Variants in NTN3 observed in about 807,000 individuals in gnomAD.
NTN3 encodes the protein netrin 3.
In NTN3, 44 loss-of-function variants were observed where a neutral mutation model predicts 37.2. That is an observed-to-expected ratio of 1.18 (90% CI 0.93 to 1.52). The LOEUF (loss-of-function observed/expected upper bound fraction) is 1.52, where lower values mean the gene tolerates loss of function less well. NTN3 is among the 40% of genes most tolerant of loss of function. The pLI is 0.00. For synonymous variants in NTN3, 385 were observed against 376.0 expected, an observed-to-expected ratio of 1.02 and a Z score of -0.28; for missense variants, 882 against 857.3, an observed-to-expected ratio of 1.03 and a Z score of -0.36.
In NTN3 at chr16:2,473,297, A is replaced by G. The variant is rs771956685; in HGVS notation, c.1297A>G (p.Ser433Gly). ...CCCTATCCCTGGACCCACTGAGGAC[A>G]GCAGCCCTGTGCAGCCCCAGGGTGA... ...KTPIPGPTED[S>G]SPVQPQDCDS... Residue 433 changes from serine (S) to glycine (G), a missense_variant, in exon 4 of 6, where the codon AGC becomes GGC. Coordinates refer to ENST00000293973, the MANE Select transcript of NTN3 (RefSeq NM_006181.3). The G allele has an allele frequency of 6.2e-7, 1 of 1,612,976 alleles. No individual in the cohort carries two copies. Among genetic ancestry groups the G allele is most frequent in the Admixed American group, 1.7e-5 (1 of 60,030 alleles).
rs960119642 is a variant in NTN3, at chr16:2,473,921, T to A, written c.1559T>A (p.Leu520His). Reference protein sequence around the residue: ...GDAACGCPRLLPGRRYLLLGG... With the variant: ...GDAACGCPRLHPGRRYLLLGG... ...GCGGCCTGCGGCTGCCCGCGCCTGC[T>A]CCCCGGCCGCCGCTACCTCCTGCTG... Residue 520 changes from leucine to histidine, a missense_variant, in exon 6 of 6, where the codon CTC becomes CAC. Physicochemically the swap from Leu to His is moderately conservative, Grantham distance 99. Coordinates refer to ENST00000293973, the MANE Select transcript of NTN3 (RefSeq NM_006181.3). 2.2e-4 allele frequency: 258 copies of A among 1,188,762 alleles called. No individual in the cohort carries two copies. The highest frequency in any genetic ancestry group is 2.6e-4 in the Non-Finnish European group (249 of 960,962). 73.6% of individuals were successfully genotyped at this position (1,188,762 alleles called of 1,614,324 possible). A position where few individuals can be genotyped will look rare whatever the true frequency, so the allele number is the denominator to read the frequency against.
rs762743611 is a variant in NTN3 at position 2,472,425 on chromosome 16, T to C, written c.724T>C (p.Tyr242His). The C allele has an allele frequency of 6.2e-7, 1 of 1,612,148 alleles. No homozygotes were observed. Among genetic ancestry groups the C allele is most frequent in the Non-Finnish European group, 8.5e-7 (1 of 1,179,418 alleles). ...CAGGGACATGGAGGCCGTCGTCCCTTACTCCTACGCAGCCACCGACCTCCA... is the reference window on the plus strand; with the variant it reads ...CAGGGACATGGAGGCCGTCGTCCCTCACTCCTACGCAGCCACCGACCTCCA... Reference protein sequence around the residue: ...DPRDMEAVVPYSYAATDLQVG... With the variant: ...DPRDMEAVVPHSYAATDLQVG... The change falls in exon 1 of 6, where the codon TAC becomes CAC. Residue 242 changes from tyrosine (Y) to histidine (H), a missense_variant. Coordinates refer to ENST00000293973, the MANE Select transcript of NTN3 (RefSeq NM_006181.3).
In NTN3 at chr16:2,472,989, C is replaced by T. The variant is rs372567918; in HGVS notation, c.1122C>T (p.Cys374=). The part of the protein sequence containing the change: ...ALSDRRACRA[C]DCHPVGAAGK... ...CCTTCCCACCTCTGTCCTCAGCCTG[C>T]GACTGTCACCCGGTTGGTGCTGCTG... Residue 374 remains cysteine, a synonymous_variant, in exon 3 of 6, where the codon TGC becomes TGT. Transcript: ENST00000293973. The T allele has an allele frequency of 1.3e-5, 20 of 1,599,736 alleles. No individual in the cohort carries two copies. Among genetic ancestry groups the T allele is most frequent in the Admixed American group, 1.7e-5 (1 of 59,578 alleles).
In NTN3 at chr16:2,473,946, G is replaced by C; in HGVS notation, c.1584G>C (p.Leu528=). Residue 528 remains leucine (L), a synonymous_variant, in exon 6 of 6, where the codon CTG becomes CTC. Coordinates refer to ENST00000293973, the MANE Select transcript of NTN3 (RefSeq NM_006181.3). ...RLLPGRRYLL[L]GGGPGAAAGG... is the part of the protein sequence containing the mutation. ...TCCCCGGCCGCCGCTACCTCCTGCTGGGGGGCGGGCCTGGAGCCGCGGCTG... is the reference window on the plus strand; with the variant it reads ...TCCCCGGCCGCCGCTACCTCCTGCTCGGGGGCGGGCCTGGAGCCGCGGCTG... 1 of 1,174,878 alleles carries C rather than the reference G, an allele frequency of 8.5e-7. No homozygotes were observed. Among genetic ancestry groups the C allele is most frequent in the Non-Finnish European group, 1.1e-6 (1 of 952,058 alleles). 72.8% of individuals were successfully genotyped at this position (1,174,878 alleles called of 1,614,324 possible).
In NTN3 at chr16:2,472,818, A is replaced by ACT. The variant is rs1326352387; in HGVS notation, c.1047_1048dup (p.Cys350SerfsTer17). ...TGCCGGCACAACACCGCCGGCCGCC[A>ACT]CTGCCACTACTGCCGGGAGGGCTTC... On this transcript the variant is annotated frameshift_variant, in exon 2 of 6. Transcript: ENST00000293973. LOFTEE classifies it high-confidence loss of function. 1 of 1,608,454 alleles carries ACT rather than the reference A, an allele frequency of 6.2e-7. No individual in the cohort carries two copies. Among genetic ancestry groups the ACT allele is most frequent in the East Asian group, 2.2e-5 (1 of 44,882 alleles).
Position 2,473,993 on chromosome 16 carries a change from C to G in NTN3, c.1631C>G (p.Pro544Arg), listed in dbSNP as rs937999695. The G allele has an allele frequency of 8.5e-7, 1 of 1,176,244 alleles. No individual in the cohort carries two copies. The highest frequency in any genetic ancestry group is 1.6e-5 in the African/African-American group (1 of 62,116). 72.9% of individuals were successfully genotyped at this position (1,176,244 alleles called of 1,614,324 possible). Reference protein sequence around the residue: ...AAAGGAGGRGPGLIAARGSLV... With the variant: ...AAAGGAGGRGRGLIAARGSLV... ...GCTGGGGGCGCGGGGGGCCGGGGGCCCGGGCTCATCGCCGCCCGCGGAAGC... is the reference window on the plus strand; with the variant it reads ...GCTGGGGGCGCGGGGGGCCGGGGGCGCGGGCTCATCGCCGCCCGCGGAAGC... The change falls in exon 6 of 6, where the codon CCC becomes CGC. Residue 544 changes from proline (P) to arginine (R), a missense_variant. Coordinates refer to ENST00000293973, the MANE Select transcript of NTN3 (RefSeq NM_006181.3).
chr16:2,473,857 C>G lies in NTN3; in HGVS notation c.1495C>G (p.Arg499Gly). 7.6e-7 allele frequency: 1 copy of G among 1,315,706 alleles called. No individual in the cohort carries two copies. The highest frequency in any genetic ancestry group is 9.6e-7 in the Non-Finnish European group (1 of 1,038,668). 81.5% of individuals were successfully genotyped at this position (1,315,706 alleles called of 1,614,324 possible). ...AVFRSGEERA[R>G]RGSSALWVPA... ...GTTCCGGAGCGGAGAGGAGCGCGCGCGGCGCGGGAGTAGCGCGCTGTGGGT... is the reference window on the plus strand; with the variant it reads ...GTTCCGGAGCGGAGAGGAGCGCGCGGGGCGCGGGAGTAGCGCGCTGTGGGT... The change falls in exon 6 of 6, where the codon CGG becomes GGG. Residue 499 changes from arginine (R) to glycine (G), a missense_variant. By Grantham distance (125) the Arg-to-Gly change is moderately radical (BLOSUM62 -2). Transcript: ENST00000293973.
chr16:2,473,043 G>GT lies in NTN3; in HGVS notation c.1177dup (p.Cys393LeufsTer31), dbSNP rs2065531724. The GT allele has an allele frequency of 6.2e-7, 1 of 1,611,470 alleles. No individual in the cohort carries two copies. Among genetic ancestry groups the GT allele is most frequent in the South Asian group, 1.1e-5 (1 of 91,074 alleles). On this transcript the variant is annotated frameshift_variant, in exon 3 of 6. Coordinates refer to ENST00000293973, the MANE Select transcript of NTN3 (RefSeq NM_006181.3). LOFTEE classifies it high-confidence loss of function. Reference sequence around the variant, plus strand: ...AGACCTGCAACCAGACCACAGGCCAGTGTCCCTGCAAGGATGGCGTCACTG... The same window carrying GT: ...AGACCTGCAACCAGACCACAGGCCAGTTGTCCCTGCAAGGATGGCGTCACTG...
rs1401606542 is a variant in NTN3 at position 2,474,052 on chromosome 16, C to T, written c.1690C>T (p.Arg564Cys). Residue 564 changes from arginine to cysteine, a missense_variant, in exon 6 of 6, where the codon CGC becomes TGC. Arg to Cys is a radical substitution (Grantham distance 180). Coordinates refer to ENST00000293973, the MANE Select transcript of NTN3 (RefSeq NM_006181.3). ...ACCCTGGAGGGACGCGTGGACGCGGCGCCTGCGGAGGCTGCAGCGACGCGA... is the reference window on the plus strand; with the variant it reads ...ACCCTGGAGGGACGCGTGGACGCGGTGCCTGCGGAGGCTGCAGCGACGCGA... ...VLPWRDAWTR[R>C]LRRLQRRERR... The T allele has an allele frequency of 7.5e-6, 9 of 1,206,910 alleles. No homozygotes were observed. The highest frequency in any genetic ancestry group is 9.3e-6 in the Non-Finnish European group (9 of 971,880). The allele number at this position is 1,206,910 out of a possible 1,614,324, so 74.8% of individuals were successfully genotyped here.
rs2065539044 is a variant in NTN3 at position 2,473,825 on chromosome 16, T to G, written c.1463T>G (p.Leu488Arg). 7.3e-7 allele frequency: 1 copy of G among 1,377,844 alleles called. No individual in the cohort carries two copies. Among genetic ancestry groups the G allele is most frequent in the African/African-American group, 1.5e-5 (1 of 65,124 alleles). 85.4% of individuals were successfully genotyped at this position (1,377,844 alleles called of 1,614,324 possible). ...TGGACACGCTTCCCGGTGGCGGTGC[T>G]CGCCGTGTTCCGGAGCGGAGAGGAG... Reference protein sequence around the residue: ...GAWTRFPVAVLAVFRSGEERA... With the variant: ...GAWTRFPVAVRAVFRSGEERA... Residue 488 changes from leucine (L) to arginine (R), a missense_variant, in exon 6 of 6, where the codon CTC becomes CGC. Physicochemically the swap from Leu to Arg is moderately radical, Grantham distance 102. Coordinates refer to ENST00000293973, the MANE Select transcript of NTN3 (RefSeq NM_006181.3).
Position 2,473,945 on chromosome 16 carries a change from TG to T in NTN3, c.1589del (p.Gly530AlafsTer?). 8.5e-7 allele frequency: 1 copy of T among 1,175,282 alleles called. No homozygotes were observed. The highest frequency in any genetic ancestry group is 3.8e-5 in the East Asian group (1 of 26,092). 72.8% of individuals were successfully genotyped at this position (1,175,282 alleles called of 1,614,324 possible). A position where few individuals can be genotyped will look rare whatever the true frequency, so the allele number is the denominator to read the frequency against. On this transcript the variant is annotated frameshift_variant, in exon 6 of 6. Coordinates refer to ENST00000293973, the MANE Select transcript of NTN3 (RefSeq NM_006181.3). LOFTEE classifies it low-confidence loss of function (END_TRUNC). ...CTCCCCGGCCGCCGCTACCTCCTGC[TG>T]GGGGGCGGGCCTGGAGCCGCGGCTG... ...RLLPGRRYLLLGGGPGAAAGG... is the reference protein window; with the variant it reads ...RLLPGRRYLLXGGGPGAAAGG...
Position 2,471,932 on chromosome 16 carries a change from C to T in NTN3, c.231C>T (p.Ser77=). The T allele has an allele frequency of 6.4e-7, 1 of 1,550,468 alleles. No homozygotes were observed. The highest frequency in any genetic ancestry group is 8.7e-7 in the Non-Finnish European group (1 of 1,155,224). The change falls in exon 1 of 6, where the codon TCC becomes TCT. Residue 77 remains serine (S), a synonymous_variant. Coordinates refer to ENST00000293973, the MANE Select transcript of NTN3 (RefSeq NM_006181.3). Reference sequence around the variant, plus strand: ...CCTCCGACCCGCGACGGGCACACTCCCCCGCCCTCCTTACTTCCCCAGGGG... The same window carrying T: ...CCTCCGACCCGCGACGGGCACACTCTCCCGCCCTCCTTACTTCCCCAGGGG... ...CDASDPRRAH[S]PALLTSPGGT... is the part of the protein sequence containing the mutation.
intron 4 of NTN3, 47 bp downstream of exon 4, chr16:2,473,365 AG>A (rs2065534442): frequency 3.7e-6 from 6 of 1,612,138 alleles, no homozygotes; most frequent in Non-Finnish European, 5.1e-6. Flanking sequence ...ACTTTGGGGG[AG>A]GGGGCTCTGG....
chr16:2,473,791 C>T lies in NTN3; in HGVS notation c.1429C>T (p.Arg477Cys). ...QVAVGARGEA[R>C]GAWTRFPVAV... The stretch of plus-strand genomic sequence containing the variant: ...GGCGGTGGGTGCGCGCGGCGAGGCG[C>T]GCGGCGCGTGGACACGCTTCCCGGT... Residue 477 changes from arginine to cysteine, a missense_variant, in exon 6 of 6, where the codon CGC becomes TGC. Coordinates refer to ENST00000293973, the MANE Select transcript of NTN3 (RefSeq NM_006181.3). 1 of 1,386,358 alleles carries T rather than the reference C, an allele frequency of 7.2e-7. No homozygotes were observed. The highest frequency in any genetic ancestry group is 1.6e-5 in the South Asian group (1 of 61,032). The allele number at this position is 1,386,358 out of a possible 1,614,324, so 85.9% of individuals were successfully genotyped here.
At position 2,472,986 on chromosome 16, in the gene NTN3, C is replaced by T. The variant is rs771510249; in HGVS notation, c.1119C>T (p.Ala373=). ...GGCCCTTCCCACCTCTGTCCTCAGCCTGCGACTGTCACCCGGTTGGTGCTG... is the reference window on the plus strand; with the variant it reads ...GGCCCTTCCCACCTCTGTCCTCAGCTTGCGACTGTCACCCGGTTGGTGCTG... ...RALSDRRACR[A]CDCHPVGAAG... is the part of the protein sequence containing the mutation. The change falls in exon 3 of 6, where the codon GCC becomes GCT. Residue 373 remains alanine, a splice_region_variant and synonymous_variant. Transcript: ENST00000293973. 1 of 1,599,964 alleles carries T rather than the reference C, an allele frequency of 6.3e-7. No homozygotes were observed. Among genetic ancestry groups the T allele is most frequent in the South Asian group, 1.1e-5 (1 of 90,186 alleles).
Position 2,472,084 on chromosome 16 carries a change from C to T in NTN3, c.383C>T (p.Pro128Leu). 6.2e-7 allele frequency: 1 copy of T among 1,606,522 alleles called. No individual in the cohort carries two copies. Among genetic ancestry groups the T allele is most frequent in the South Asian group, 1.1e-5 (1 of 90,748 alleles). The change falls in exon 1 of 6, where the codon CCC becomes CTC. Residue 128 changes from proline (P) to leucine (L), a missense_variant. Physicochemically the swap from Pro to Leu is moderately conservative, Grantham distance 98. Coordinates refer to ENST00000293973, the MANE Select transcript of NTN3 (RefSeq NM_006181.3). Reference protein sequence around the residue: ...VFVSLRFCSAPPASVALLKSQ... With the variant: ...VFVSLRFCSALPASVALLKSQ... ...GTGAGCCTGCGCTTCTGCTCAGCTC[C>T]CCCAGCCTCCGTGGCCCTGCTCAAG... is the stretch of plus-strand genomic sequence containing the variant.
In NTN3 at chr16:2,473,489, G is replaced by C. The variant is rs563870139; in HGVS notation, c.1379G>C (p.Cys460Ser). The change falls in exon 5 of 6, where the codon TGC becomes TCC. Residue 460 changes from cysteine to serine, a missense_variant. By Grantham distance (112) the Cys-to-Ser change is moderately radical (BLOSUM62 -1). Coordinates refer to ENST00000293973, the MANE Select transcript of NTN3 (RefSeq NM_006181.3). ...TACCGCATCAGCCTAAAGAAGTTCT[G>C]CAAGAAGGACTATGGTAGGTGCCCT... ...GSYRISLKKF[C>S]KKDYAVQVAV... The C allele has an allele frequency of 2.6e-5, 42 of 1,612,982 alleles. No homozygotes were observed. The highest frequency in any genetic ancestry group is 1.8e-4 in the Admixed American group (11 of 60,024).
chr16:2,473,924 C>G lies in NTN3; in HGVS notation c.1562C>G (p.Pro521Arg). The G allele has an allele frequency of 8.4e-7, 1 of 1,187,162 alleles. No homozygotes were observed. Among genetic ancestry groups the G allele is most frequent in the South Asian group, 4.1e-5 (1 of 24,102 alleles). The allele number at this position is 1,187,162 out of a possible 1,614,324, so 73.5% of individuals were successfully genotyped here. ...GCCTGCGGCTGCCCGCGCCTGCTCC[C>G]CGGCCGCCGCTACCTCCTGCTGGGG... ...DAACGCPRLL[P>R]GRRYLLLGGG... Residue 521 changes from proline to arginine, a missense_variant, in exon 6 of 6, where the codon CCC becomes CGC. Coordinates refer to ENST00000293973, the MANE Select transcript of NTN3 (RefSeq NM_006181.3).
Position 2,471,697 on chromosome 16 carries a change from C to T in NTN3, c.-5C>T, listed in dbSNP as rs1371962059. On this transcript the variant is annotated 5_prime_UTR_variant, in exon 1 of 6. Coordinates refer to ENST00000293973, the MANE Select transcript of NTN3 (RefSeq NM_006181.3). ...GCCACTGGCTGACCCGCAGCGGCTC[C>T]GGCCATGCCTGGCTGGCCCTGGGGG... 6 of 1,327,536 alleles carry T rather than the reference C, an allele frequency of 4.5e-6. No homozygotes were observed. The highest frequency in any genetic ancestry group is 2.0e-5 in the South Asian group (1 of 49,608). 82.2% of individuals were successfully genotyped at this position (1,327,536 alleles called of 1,614,324 possible).
Sources: allele counts gnomAD v4.1 joint callset, GRCh38; gene constraint gnomAD v4.1.1; transcripts MANE v1.5; gene names NCBI Gene and HGNC (gene_info 2026-07-23, HGNC 2026-07-21).